MGAT4C: variants seen among roughly 807,000 people sequenced by gnomAD.
The protein encoded by MGAT4C is MGAT4 family member C.
In MGAT4C, 19 loss-of-function variants were observed where a neutral mutation model predicts 40.1. That is an observed-to-expected ratio of 0.47 (90% CI 0.33 to 0.70). The LOEUF (loss-of-function observed/expected upper bound fraction) is 0.70, where lower values mean the gene tolerates loss of function less well. Ranked by LOEUF, MGAT4C falls within the 30% of genes least tolerant of loss-of-function variation. The pLI is 0.02. For synonymous variants in MGAT4C, 181 were observed against 187.1 expected (o/e 0.97, Z 0.27); for missense variants, 491 against 563.2 (o/e 0.87, Z 1.30).
rs1565996123 is a variant in MGAT4C at position 86,110,298 on chromosome 12, C to CTATATATAG, written c.-56-60576_-56-60575insCTATATATA. The stretch of plus-strand genomic sequence containing the variant: ...TATATAGTCTATATATATATAGTCT[C>CTATATATAG]TCTATATATATATATATATAGTCTC... On this transcript the variant is annotated intron_variant, in intron 1 of 4. Transcript: ENST00000611864. 3.0e-3 allele frequency among the ~76,000 whole-genome samples: 47 copies of CTATATATAG among 15,702 alleles called. 5 individuals carry two copies. Among genetic ancestry groups the CTATATATAG allele is most frequent in the African/African-American group, 0.013 (38 of 2,850 alleles). 10.3% of individuals were successfully genotyped at this position (15,702 alleles called of 152,430 possible). A position where few individuals can be genotyped will look rare whatever the true frequency, so the allele number is the denominator to read the frequency against.
intron 4 of MGAT4C, among the ~76,000 whole-genome samples, chr12:86,305,389 A>C (rs1234427989): frequency 6.7e-6 from 1 of 149,044 alleles, no homozygotes; most frequent in Admixed American, 6.6e-5. Flanking sequence ...TGGTGAGCTG[A>C]GATTGCACTA....
intron 1 of MGAT4C, among the ~76,000 whole-genome samples, chr12:86,206,730 A>G (rs1950268560): frequency 2.0e-5 from 3 of 152,038 alleles, no homozygotes; most frequent in Admixed American, 2.0e-4. Flanking sequence ...CCTTTATTGA[A>G]GATATATTAT....
chr12:85,958,333 G>T lies in MGAT4C; in HGVS notation c.*20956C>A, dbSNP rs61929426. ...GGAGTTCTTGGCCTCTCAAAGTACCGGGATTACAGGCATGAGCCACCACGC... is the reference window on the plus strand; with the variant it reads ...GGAGTTCTTGGCCTCTCAAAGTACCTGGATTACAGGCATGAGCCACCACGC... On this transcript the variant is annotated 3_prime_UTR_variant, in exon 5 of 5. Transcript: ENST00000611864. 2 of 152,064 alleles carry T rather than the reference G, an allele frequency of 1.3e-5. No individual in the cohort carries two copies. 9.4% of individuals were successfully genotyped at this position (152,064 alleles called of 1,614,324 possible).
intron 2 of MGAT4C, among the ~76,000 whole-genome samples, chr12:85,997,984 T>A (rs1886820775): frequency 6.6e-6 from 1 of 152,190 alleles, no homozygotes; most frequent in Non-Finnish European, 1.5e-5. Context: ...GCAGAGGTTC[T>A]CTATGAGGGC....
In MGAT4C at chr12:86,007,630, GA is replaced by G. The variant is rs532317519; in HGVS notation, c.-6-18079del. Among the ~76,000 whole-genome samples, 7 of 151,784 alleles carry G rather than the reference GA, an allele frequency of 4.6e-5. No individual in the cohort carries two copies. In the South Asian group the frequency reaches 1.2e-3, roughly 27 times the overall value. ...AAACAAAAATGTGTTTAAACAAACA[GA>G]AAAAAACAATAAAAACAAAAAACTA... On this transcript the variant is annotated intron_variant, in intron 2 of 4. Coordinates refer to ENST00000611864, the MANE Select transcript of MGAT4C (RefSeq NM_001351288.2).
At chr12:86,188,545 G>A (rs1181983891) in intron 1 of MGAT4C, among the ~76,000 whole-genome samples, 1 of 151,726 alleles carries the variant, frequency 6.6e-6, no homozygotes, top group African/African-American at 2.4e-5. Flanking sequence ...AGAAACATAT[G>A]CGTTAGAGGA....
rs931258649 is a variant in MGAT4C at position 85,976,600 on chromosome 12, C to T, written c.*2689G>A. 3.4e-5 allele frequency: 5 copies of T among 147,418 alleles called. No homozygotes were observed. The highest frequency in any genetic ancestry group is 6.0e-5 in the Non-Finnish European group (4 of 66,660). 9.1% of individuals were successfully genotyped at this position (147,418 alleles called of 1,614,324 possible). Reference sequence around the variant, plus strand: ...ATGGCAATTAAATGACTCAGCCATTCATGTCTCATGCCAGTCTTTTTCAAT... The same window carrying T: ...ATGGCAATTAAATGACTCAGCCATTTATGTCTCATGCCAGTCTTTTTCAAT... On this transcript the variant is annotated 3_prime_UTR_variant, in exon 5 of 5. Transcript: ENST00000611864.
At chr12:86,449,679 T>C (rs909664156) in intron 2 of MGAT4C, among the ~76,000 whole-genome samples, 1 of 152,138 alleles carries the variant, frequency 6.6e-6, no homozygotes, top group African/African-American at 2.4e-5. Context: ...GCACACTATG[T>C]TTTATGTCTA....
intron 3 of MGAT4C, among the ~76,000 whole-genome samples, chr12:86,375,191 C>G (rs1955801225): frequency 6.6e-6 from 1 of 152,000 alleles, no homozygotes; most frequent in African/African-American, 2.4e-5. Context: ...CTTTTTCAAG[C>G]AGTTTTGCAT....
At chr12:86,603,794 T>C (rs530862118) in intron 2 of MGAT4C, among the ~76,000 whole-genome samples, 394 of 23,834 alleles carry the variant, frequency 0.017, 1 homozygote, top group African/African-American at 0.026. Context: ...TAATATATAG[T>C]ATATATATTA....
intron 1 of MGAT4C, among the ~76,000 whole-genome samples, chr12:86,203,993 TGCC>T (rs1950156206): frequency 2.7e-5 from 4 of 148,532 alleles, no homozygotes; most frequent in South Asian, 2.1e-4. Context: ...TATATATATA[TGCC>T]TTATAGCTAA....
intron 3 of MGAT4C, among the ~76,000 whole-genome samples, chr12:86,408,502 T>C (rs1956532837): frequency 1.4e-5 from 2 of 143,150 alleles, no homozygotes; most frequent in Admixed American, 1.4e-4. Flanking sequence ...TATATATATA[T>C]ATATATATAT....
At chr12:86,838,414 A>G (rs565784700) in intron 1 of MGAT4C, among the ~76,000 whole-genome samples, 12 of 152,322 alleles carry the variant, frequency 7.9e-5, no homozygotes, top group Admixed American at 1.3e-4. Flanking sequence ...ACTTATGATA[A>G]TGCAGCCTGC....
intron 2 of MGAT4C, among the ~76,000 whole-genome samples, chr12:86,696,274 G>C (rs1593124371): frequency 6.6e-6 from 1 of 152,010 alleles, no homozygotes; most frequent in East Asian, 1.9e-4. Context: ...TGAGGTAATG[G>C]ATACCTCATT....
intron 1 of MGAT4C, among the ~76,000 whole-genome samples, chr12:86,212,637 C>T (rs529436270): frequency 2.0e-4 from 30 of 150,960 alleles, no homozygotes; most frequent in East Asian, 1.4e-3. Context: ...GCCTGTAATC[C>T]CAGCACTTTG....
At chr12:86,608,124 T>C (rs1175699485) in intron 2 of MGAT4C, among the ~76,000 whole-genome samples, 1 of 152,114 alleles carries the variant, frequency 6.6e-6, no homozygotes, top group Non-Finnish European at 1.5e-5. Flanking sequence ...AACTAGTACA[T>C]AGTTCCTGCC....
chr12:86,060,532 CTAAT>C (rs1371139406), intron 1 of MGAT4C, among the ~76,000 whole-genome samples: 1 of 151,874 alleles, frequency 6.6e-6, no homozygotes, highest in East Asian at 1.9e-4. Flanking sequence ...TCATACAATC[CTAAT>C]TAATCAATAA....
chr12:86,666,978 T>C (rs918548908), intron 2 of MGAT4C, among the ~76,000 whole-genome samples: 2 of 152,160 alleles, frequency 1.3e-5, no homozygotes, highest in East Asian at 3.9e-4. Context: ...GGTTACTTAG[T>C]TGGAAGGGAT....
chr12:86,057,550 TC>T (rs1893528478), intron 1 of MGAT4C, among the ~76,000 whole-genome samples: 1 of 152,182 alleles, frequency 6.6e-6, no homozygotes, highest in South Asian at 2.1e-4. Context: ...TATTCCATTT[TC>T]CTAGACAATA....
Sources: gnomAD v4.1 joint callset for allele counts (sites outside exome capture counted in the v4.1 genomes callset) on GRCh38, gnomAD v4.1.1 for gene constraint, MANE v1.5 for transcripts, NCBI Gene and HGNC (gene_info 2026-07-23, HGNC 2026-07-21) for gene names.